The following SERPINB1 variants were observed in gnomAD, a reference collection of about 807,000 sequenced individuals.
The protein encoded by SERPINB1 is serpin family B member 1.
In SERPINB1, 23 loss-of-function variants were observed where a neutral mutation model predicts 25.9. The ratio of observed to expected loss-of-function variants is 0.89; its 90% CI spans 0.64 to 1.26. The LOEUF (loss-of-function observed/expected upper bound fraction) is 1.26, where lower values mean the gene tolerates loss of function less well. SERPINB1 is among the 50% of genes most tolerant of loss of function. SERPINB1 has a pLI of 0.00. For missense variants in SERPINB1, 399 were observed against 463.6 expected (o/e 0.86, Z 1.28); for synonymous variants, 178 against 178.7 (o/e 1.00, Z 0.03).
intron 6 of SERPINB1, among the ~76,000 whole-genome samples, chr6:2,834,911 A>T (rs993387198): frequency 1.3e-4 from 20 of 152,222 alleles, no homozygotes; most frequent in Non-Finnish European, 1.5e-4. Flanking sequence ...TATTATCATT[A>T]CTATTGTTAT....
intron 6 of SERPINB1, among the ~76,000 whole-genome samples, chr6:2,835,613 G>A (rs1030765224): frequency 9.9e-5 from 15 of 152,156 alleles, no homozygotes; most frequent in Admixed American, 4.6e-4. Context: ...GAGGCAGGAG[G>A]ATTGCTGGAA....
In SERPINB1 at chr6:2,833,558, A is replaced by G. The variant is rs1766400367; in HGVS notation, c.*50T>C. The G allele has an allele frequency of 2.0e-6, 3 of 1,479,498 alleles. No individual in the cohort carries two copies. Among genetic ancestry groups the G allele is most frequent in the Non-Finnish European group, 2.7e-6 (3 of 1,097,866 alleles). The allele number at this position is 1,479,498 out of a possible 1,614,324, so 91.6% of individuals were successfully genotyped here. On this transcript the variant is annotated 3_prime_UTR_variant, in exon 7 of 7. Coordinates refer to ENST00000380739, the MANE Select transcript of SERPINB1 (RefSeq NM_030666.4). ...GACATATTGGCTCTATTAAAAACTC[A>G]GGTAATAAAGCACTAAGCTTGATTT...
chr6:2,833,708 A>G lies in SERPINB1; in HGVS notation c.1040T>C (p.Met347Thr), dbSNP rs1245478133. 3.1e-6 allele frequency: 5 copies of G among 1,614,260 alleles called. No individual in the cohort carries two copies. In the East Asian group the frequency reaches 1.1e-4, roughly 36 times the overall value. Residue 347 changes from methionine to threonine, a missense_variant, in exon 7 of 7, where the codon ATG becomes ACG. By Grantham distance (81) the Met-to-Thr change is moderately conservative. Transcript: ENST00000380739. ...TAGIATFCML[M>T]PEENFTADHP... ...GTCGGCAGTGAAATTTTCTTCGGGC[A>G]TCAACATGCAGAAAGTTGCGATGCC... is the stretch of plus-strand genomic sequence containing the variant.
rs1159114910 is a variant in SERPINB1, at chr6:2,835,956, A to T, written c.635T>A (p.Leu212His). ...AGGCAGTTCCAGCACACGGCACTTA[A>T]GGTCCTCGATGTAGCCATATGCAAA... ...KKFAYGYIED[L>H]KCRVLELPYQ... Residue 212 changes from leucine to histidine, a missense_variant, in exon 6 of 7, where the codon CTT becomes CAT. By Grantham distance (99) the Leu-to-His change is moderately conservative (BLOSUM62 -3). Transcript: ENST00000380739. 6.2e-7 allele frequency: 1 copy of T among 1,614,066 alleles called. No individual in the cohort carries two copies. The highest frequency in any genetic ancestry group is 8.5e-7 in the Non-Finnish European group (1 of 1,180,038).
Position 2,833,539 on chromosome 6 carries a change from T to C in SERPINB1, c.*69A>G, listed in dbSNP as rs1766399819. The C allele has an allele frequency of 7.4e-7, 1 of 1,346,056 alleles. No homozygotes were observed. Among genetic ancestry groups the C allele is most frequent in the East Asian group, 2.3e-5 (1 of 42,942 alleles). The allele number at this position is 1,346,056 out of a possible 1,614,324, so 83.4% of individuals were successfully genotyped here. A position where few individuals can be genotyped will look rare whatever the true frequency, so the allele number is the denominator to read the frequency against. On this transcript the variant is annotated 3_prime_UTR_variant, in exon 7 of 7. Coordinates refer to ENST00000380739, the MANE Select transcript of SERPINB1 (RefSeq NM_030666.4). Reference sequence around the variant, plus strand: ...TTTATTGGTAAAGATATAAGACATATTGGCTCTATTAAAAACTCAGGTAAT... The same window carrying C: ...TTTATTGGTAAAGATATAAGACATACTGGCTCTATTAAAAACTCAGGTAAT...
chr6:2,836,365 T>C, intron 4 of SERPINB1, 115 bp from the exon 5 acceptor site: 5 of 1,138,938 alleles, frequency 4.4e-6, no homozygotes, highest in Non-Finnish European at 4.8e-6. Flanking sequence ...TTAATTTTCA[T>C]TTAACAAGAT....
In SERPINB1 at chr6:2,841,100, ATCAC is replaced by A. The variant is rs1766639857; in HGVS notation, c.-8-510_-8-507del. The A allele has an allele frequency of 6.6e-6, 1 of 152,298 alleles. No homozygotes were observed. The highest frequency in any genetic ancestry group is 1.5e-5 in the Non-Finnish European group (1 of 68,088). The allele number at this position is 152,298 out of a possible 1,614,324, so 9.4% of individuals were successfully genotyped here. On this transcript the variant is annotated intron_variant, in intron 1 of 6. Transcript: ENST00000380739. This position sits in a 1 kb window ranked among gnomAD's most constrained non-coding sequence, Gnocchi z 4.5. ...TATGCATTAAAACTCCAGCAAAGGT[ATCAC>A]TGTAATTATTATAATAATATAATTC...
intron 2 of SERPINB1, 79 bp from the exon 3 acceptor site, chr6:2,838,765 C>T: frequency 1.7e-6 from 2 of 1,145,612 alleles, no homozygotes; most frequent in East Asian, 2.7e-5. Context: ...CCTTCTATCA[C>T]ATTAAATTAA....
intron 1 of SERPINB1, among the ~76,000 whole-genome samples, 199 bp from the exon 2 acceptor site, chr6:2,840,793 G>A (rs1489927684): frequency 6.6e-6 from 1 of 152,142 alleles, no homozygotes; most frequent in Non-Finnish European, 1.5e-5. Flanking sequence ...TCTGGCCAAG[G>A]ACTCAGCAGT....
At chr6:2,835,559 G>A (rs137881286) in intron 6 of SERPINB1, among the ~76,000 whole-genome samples, 10 of 152,208 alleles carry the variant, frequency 6.6e-5, no homozygotes, top group East Asian at 1.9e-4. Flanking sequence ...AACGTTAGCC[G>A]GGCACAGTGG....
At chr6:2,840,308 T>C in intron 2 of SERPINB1, 111 bp downstream of exon 2, 6 of 1,299,194 alleles carry the variant, frequency 4.6e-6, no homozygotes, top group Non-Finnish European at 6.4e-6. Flanking sequence ...CTCATAAAAA[T>C]ACAGTTCTGA....
At chr6:2,834,398 C>T (rs9392431) in intron 6 of SERPINB1, among the ~76,000 whole-genome samples, 17,346 of 151,354 alleles carry the variant, frequency 0.11, 1,136 homozygotes, top group South Asian at 0.17. Flanking sequence ...TATCTACCCA[C>T]CCACCCATCC....
rs570666148 is a variant in SERPINB1 at position 2,834,295 on chromosome 6, T to TCATCCATC, written c.736-291_736-284dup. 2.9e-3 allele frequency among the ~76,000 whole-genome samples: 344 copies of TCATCCATC among 118,242 alleles called. 2 individuals are homozygous for TCATCCATC. Among genetic ancestry groups the TCATCCATC allele is most frequent in the African/African-American group, 7.5e-3 (263 of 35,010 alleles). 77.6% of individuals were successfully genotyped at this position (118,242 alleles called of 152,430 possible). A position where few individuals can be genotyped will look rare whatever the true frequency, so the allele number is the denominator to read the frequency against. ...CCCATCCATCCACCCATTTGTCCAC[T>TCATCCATC]CATCCATCCATCCATCCATCCATCC... On this transcript the variant is annotated intron_variant, in intron 6 of 6. Coordinates refer to ENST00000380739, the MANE Select transcript of SERPINB1 (RefSeq NM_030666.4).
chr6:2,838,395 TG>T (rs1766554732), intron 3 of SERPINB1, among the ~76,000 whole-genome samples, 153 bp downstream of exon 3: 2 of 148,534 alleles, frequency 1.3e-5, no homozygotes, highest in African/African-American at 5.3e-5. Flanking sequence ...CATTCTGTCG[TG>T]TTTGCCTTCC....
rs201567851 is a variant in SERPINB1 at position 2,838,670 on chromosome 6, G to A, written c.185C>T (p.Thr62Met). The A allele has an allele frequency of 2.2e-5, 35 of 1,584,426 alleles. No individual in the cohort carries two copies. Among genetic ancestry groups the A allele is most frequent in the African/African-American group, 9.5e-5 (7 of 73,704 alleles). Reference protein sequence around the residue: ...AQLSKTFHFNTVEEVHSRFQS... With the variant: ...AQLSKTFHFNMVEEVHSRFQS... ...GAATCTTGAATGAACCTCTTCAACC[G>A]TGTTGAAATGGAAAGTCTAAAATAA... The change falls in exon 3 of 7, where the codon ACG (threonine) becomes ATG (methionine). Residue 62 changes from threonine to methionine, a missense_variant. Transcript: ENST00000380739.
At chr6:2,835,440 G>T (rs999504048) in intron 6 of SERPINB1, among the ~76,000 whole-genome samples, 12 of 152,114 alleles carry the variant, frequency 7.9e-5, no homozygotes, top group African/African-American at 2.9e-4. Flanking sequence ...GCTAATTCAA[G>T]AGCCTTTCCA....
chr6:2,834,127 T>C, intron 6 of SERPINB1, 115 bp from the exon 7 acceptor site: 1 of 987,054 alleles, frequency 1.0e-6, no homozygotes, highest in South Asian at 1.7e-5. Flanking sequence ...GTTTCCTTCA[T>C]GTTTTGTGCC....
rs1474312336 is a variant in SERPINB1 at position 2,837,272 on chromosome 6, T to A, written c.424+610A>T. Among the ~76,000 whole-genome samples, 1 of 151,824 alleles carries A rather than the reference T, an allele frequency of 6.6e-6. No individual in the cohort carries two copies. Among genetic ancestry groups the A allele is most frequent in the African/African-American group, 2.4e-5 (1 of 41,176 alleles). On this transcript the variant is annotated intron_variant, in intron 4 of 6. Coordinates refer to ENST00000380739, the MANE Select transcript of SERPINB1 (RefSeq NM_030666.4). This position sits in a 1 kb window ranked among gnomAD's most constrained non-coding sequence, Gnocchi z 4.3. ...GTTGGTTTTAACTTTATTTTTTATT[T>A]TTTATTATTTTTATTATTTTTTTTA...
chr6:2,837,422 G>T lies in SERPINB1; in HGVS notation c.424+460C>A, dbSNP rs1280995515. ...GCCTCCAGAGTAGCTGGGATTACAGGTGTGTGCTACCACACCTGGCTAAAT... is the reference window on the plus strand; with the variant it reads ...GCCTCCAGAGTAGCTGGGATTACAGTTGTGTGCTACCACACCTGGCTAAAT... On this transcript the variant is annotated intron_variant, in intron 4 of 6. Coordinates refer to ENST00000380739, the MANE Select transcript of SERPINB1 (RefSeq NM_030666.4). The surrounding 1 kb of genome is among the most constrained non-coding windows in gnomAD (Gnocchi z 4.3). 1.3e-5 allele frequency among the ~76,000 whole-genome samples: 2 copies of T among 152,040 alleles called. No homozygotes were observed. The highest frequency in any genetic ancestry group is 2.4e-5 in the African/African-American group (1 of 41,380).
Sources: gnomAD v4.1 joint callset for allele counts (sites outside exome capture counted in the v4.1 genomes callset) on GRCh38, gnomAD v4.1.1 for gene constraint, Gnocchi (gnomAD v3.1) non-coding constraint, MANE v1.5 for transcripts, NCBI Gene and HGNC (gene_info 2026-07-23, HGNC 2026-07-21) for gene names.